CNTN4: variants seen among roughly 807,000 people sequenced by gnomAD.
CNTN4 encodes contactin 4.
Under a neutral mutation model 122.5 loss-of-function variants are expected in CNTN4, and 77 were observed. The observed-to-expected ratio is 0.63, with a 90% CI of 0.52 to 0.76. CNTN4 has a LOEUF of 0.76. Ranked by LOEUF, CNTN4 falls within the 30% of genes least tolerant of loss-of-function variation. The pLI, the probability that CNTN4 is intolerant of heterozygous loss-of-function variation, is 0.00. For missense variants in CNTN4, 1,256 were observed against 1,259.1 expected (o/e 1.00, Z 0.04); for synonymous variants, 512 against 447.0 (o/e 1.15, Z -1.83).
intron 3 of CNTN4, among the ~76,000 whole-genome samples, chr3:2,402,695 C>G (rs995334344): frequency 7.2e-5 from 11 of 152,068 alleles, no homozygotes; most frequent in Admixed American, 3.3e-4. Flanking sequence ...CCCTCTTTAT[C>G]CCAACTCTGA....
chr3:3,037,923 A>G (rs1043389986), intron 18 of CNTN4, among the ~76,000 whole-genome samples: 1 of 152,218 alleles, frequency 6.6e-6, no homozygotes, highest in Non-Finnish European at 1.5e-5. Flanking sequence ...GAACAAGTTC[A>G]TCAGGGTCAG....
intron 2 of CNTN4, among the ~76,000 whole-genome samples, chr3:2,338,543 A>G (rs959960166): frequency 6.6e-6 from 1 of 152,018 alleles, no homozygotes; most frequent in African/African-American, 2.4e-5. Flanking sequence ...GGATACACAT[A>G]TGAATAAACA....
chr3:2,847,166 C>A (rs201014469), intron 7 of CNTN4, among the ~76,000 whole-genome samples: 17 of 144,168 alleles, frequency 1.2e-4, no homozygotes, highest in Non-Finnish European at 1.2e-4. Context: ...GCAAATGTTG[C>A]AAAAAAAAAA....
At chr3:2,166,532 C>A (rs770164960) in intron 2 of CNTN4, among the ~76,000 whole-genome samples, 15 of 151,000 alleles carry the variant, frequency 9.9e-5, no homozygotes, top group Non-Finnish European at 8.9e-5. Flanking sequence ...AAATATATTA[C>A]AATTAAATTA....
intron 13 of CNTN4, among the ~76,000 whole-genome samples, chr3:2,933,720 A>T (rs2094544864): frequency 6.6e-6 from 1 of 152,156 alleles, no homozygotes; most frequent in Non-Finnish European, 1.5e-5. Flanking sequence ...TTAACACTAC[A>T]ACACTGCCTG....
chr3:2,108,050 C>T (rs1346381832), intron 2 of CNTN4, among the ~76,000 whole-genome samples: 2 of 152,154 alleles, frequency 1.3e-5, no homozygotes, highest in Non-Finnish European at 2.9e-5. Flanking sequence ...CCTGTGGTCC[C>T]TCCTGGATGA....
intron 3 of CNTN4, among the ~76,000 whole-genome samples, chr3:2,438,116 A>G (rs919684254): frequency 6.6e-6 from 1 of 152,160 alleles, no homozygotes; most frequent in Non-Finnish European, 1.5e-5. Flanking sequence ...AAGGTCATAG[A>G]CTTTCTACTC....
intron 3 of CNTN4, among the ~76,000 whole-genome samples, chr3:2,472,334 G>C (rs756314715): frequency 6.6e-6 from 1 of 151,956 alleles, no homozygotes; most frequent in Admixed American, 6.6e-5. Flanking sequence ...TCCACCTCCC[G>C]GGTTCAAGCG....
chr3:2,360,595 C>G (rs142606555), intron 3 of CNTN4, among the ~76,000 whole-genome samples: 1 of 152,230 alleles, frequency 6.6e-6, no homozygotes, highest in East Asian at 1.9e-4. Flanking sequence ...CACAGTTCAA[C>G]ATGGCTGGGG....
chr3:2,773,126 G>T (rs1341048110), intron 6 of CNTN4, among the ~76,000 whole-genome samples: 1 of 146,796 alleles, frequency 6.8e-6, no homozygotes, highest in African/African-American at 2.5e-5. Context: ...TAATCTTTTG[G>T]TGGGGGGGGT....
chr3:2,896,167 A>G (rs1433127610), intron 10 of CNTN4, among the ~76,000 whole-genome samples: 1 of 152,230 alleles, frequency 6.6e-6, no homozygotes, highest in Non-Finnish European at 1.5e-5. Context: ...AGCCGTTCTT[A>G]TAATACAAGA....
intron 3 of CNTN4, among the ~76,000 whole-genome samples, chr3:2,402,571 C>T (rs1392859059): frequency 6.6e-6 from 1 of 152,066 alleles, no homozygotes; most frequent in Non-Finnish European, 1.5e-5. Context: ...TTGAATTCCA[C>T]TCTTTCAGTT....
In CNTN4 at chr3:2,883,196, T is replaced by A; in HGVS notation, c.704T>A (p.Val235Asp). 1.2e-6 allele frequency: 2 copies of A among 1,613,932 alleles called. No individual in the cohort carries two copies. The highest frequency in any genetic ancestry group is 8.5e-7 in the Non-Finnish European group (1 of 1,179,886). ...ATAGAAGTGCAGTTCCCAGAAACAG[T>A]TCCGACTGCAAAAGGAGCAACGGTG... ...PKIEVQFPET[V>D]PTAKGATVKL... The change falls in exon 9 of 25, where the codon GTT becomes GAT. Residue 235 changes from valine (V) to aspartate (D), a missense_variant. By Grantham distance (152) the Val-to-Asp change is radical. Transcript: ENST00000418658.
At chr3:2,178,523 A>G (rs969303286) in intron 2 of CNTN4, among the ~76,000 whole-genome samples, 1 of 152,078 alleles carries the variant, frequency 6.6e-6, no homozygotes, top group African/African-American at 2.4e-5. Flanking sequence ...TAAAACAGAG[A>G]CTTATGTTAG....
chr3:3,001,460 C>CA (rs1302004796), intron 14 of CNTN4, among the ~76,000 whole-genome samples: 1 of 152,102 alleles, frequency 6.6e-6, no homozygotes, highest in Non-Finnish European at 1.5e-5. Flanking sequence ...AGCTATAGAC[C>CA]AAGGGTTACA....
intron 3 of CNTN4, among the ~76,000 whole-genome samples, chr3:2,349,759 A>T (rs544544370): frequency 1.3e-5 from 2 of 152,326 alleles, no homozygotes; most frequent in African/African-American, 2.4e-5. Flanking sequence ...CAGTGGAGAC[A>T]TACCAATGCA....
At chr3:2,715,665 A>G (rs1166433388) in intron 4 of CNTN4, among the ~76,000 whole-genome samples, 1 of 152,184 alleles carries the variant, frequency 6.6e-6, no homozygotes, top group African/African-American at 2.4e-5. Context: ...TGAGGAATAC[A>G]AGATCAAGGT....
intron 20 of CNTN4, 82 bp downstream of exon 20, chr3:3,040,353 T>C (rs1700039974): frequency 1.9e-6 from 2 of 1,064,352 alleles, no homozygotes. Flanking sequence ...ACAATCAATT[T>C]CGCATGGTAC....
chr3:2,460,182 TA>T (rs1336033332), intron 3 of CNTN4, among the ~76,000 whole-genome samples: 1 of 152,140 alleles, frequency 6.6e-6, no homozygotes, highest in Non-Finnish European at 1.5e-5. Context: ...TTATCCTATG[TA>T]TAGTTTATCA....
Sources: gnomAD v4.1 joint callset for allele counts (sites outside exome capture counted in the v4.1 genomes callset) on GRCh38, gnomAD v4.1.1 for gene constraint, MANE v1.5 for transcripts, NCBI Gene and HGNC (gene_info 2026-07-23, HGNC 2026-07-21) for gene names.